The following ZNF341 variants were observed in gnomAD, a reference collection of about 807,000 sequenced individuals.
ZNF341 encodes zinc finger protein 341.
ZNF341 carries 52 observed loss-of-function variants against 87.7 expected under a neutral mutation model. That is an observed-to-expected ratio of 0.59 (90% CI 0.47 to 0.75). The LOEUF (loss-of-function observed/expected upper bound fraction) is 0.75. Ranked by LOEUF, ZNF341 falls within the 30% of genes least tolerant of loss-of-function variation. ZNF341 has a pLI of 0.00. For synonymous variants in ZNF341, 459 were observed against 472.7 expected (o/e 0.97, Z 0.38); for missense variants, 977 against 1,145.9 (o/e 0.85, Z 2.13).
intron 9 of ZNF341, among the ~76,000 whole-genome samples, chr20:33,767,302 C>G (rs145788603): frequency 5.9e-5 from 9 of 152,264 alleles, no homozygotes; most frequent in Non-Finnish European, 1.0e-4. Context: ...CTTTCCAGCT[C>G]TGGTCTCTGT....
chr20:33,756,157 A>G (rs999904683), intron 5 of ZNF341, among the ~76,000 whole-genome samples: 4 of 151,952 alleles, frequency 2.6e-5, no homozygotes, highest in Non-Finnish European at 5.9e-5. Flanking sequence ...TGGGAGGTCA[A>G]GGCTGCAGTG....
chr20:33,777,738 C>T (rs145710225), intron 10 of ZNF341, among the ~76,000 whole-genome samples: 7 of 151,810 alleles, frequency 4.6e-5, no homozygotes, highest in Non-Finnish European at 8.8e-5. Flanking sequence ...GTTCCAATAA[C>T]ATGCTTTAGA....
At chr20:33,768,161 C>T (rs933409235) in intron 9 of ZNF341, among the ~76,000 whole-genome samples, 7 of 151,856 alleles carry the variant, frequency 4.6e-5, no homozygotes, top group Admixed American at 4.6e-4. Flanking sequence ...CTCACTCTGT[C>T]GCCCAGGCTG....
chr20:33,772,010 TAAAAAAAAA>T (rs57345366), intron 10 of ZNF341, among the ~76,000 whole-genome samples: 6 of 56,168 alleles, frequency 1.1e-4, no homozygotes, highest in Middle Eastern at 9.6e-3. Context: ...ACGCTTGTCT[TAAAAAAAAA>T]AAAAAAAAAA....
At chr20:33,762,864 C>G (rs1196489387) in intron 8 of ZNF341, among the ~76,000 whole-genome samples, 1 of 152,006 alleles carries the variant, frequency 6.6e-6, no homozygotes, top group Non-Finnish European at 1.5e-5. Flanking sequence ...AGGACATGAA[C>G]TCATTATTCT....
Position 33,789,502 on chromosome 20 carries a change from T to G in ZNF341, c.1965-16T>G. On this transcript the variant is annotated splice_polypyrimidine_tract_variant and intron_variant, in intron 13 of 14. Transcript: ENST00000375200. ...AGCTTGGTGAGCTCCCCCTGACCAG[T>G]GGCTTTGGGTTTTAGGACGCACACA... The G allele has an allele frequency of 6.2e-7, 1 of 1,613,808 alleles. No individual in the cohort carries two copies. Among genetic ancestry groups the G allele is most frequent in the Non-Finnish European group, 8.5e-7 (1 of 1,179,900 alleles).
chr20:33,781,699 T>C (rs1175631085), intron 11 of ZNF341, among the ~76,000 whole-genome samples: 1 of 138,676 alleles, frequency 7.2e-6, no homozygotes, highest in African/African-American at 2.6e-5. Context: ...CTCTTCTTTT[T>C]AATTTTTTTT....
chr20:33,783,758 G>A lies in ZNF341; in HGVS notation c.1746G>A (p.Arg582=), dbSNP rs1448220949. 1 of 1,613,724 alleles carries A rather than the reference G, an allele frequency of 6.2e-7. No homozygotes were observed. The highest frequency in any genetic ancestry group is 1.7e-5 in the Admixed American group (1 of 59,978). ...TGTTTCCTTGTGAACGCTACCTGCGGCGTCATCTGCCCACCCACGGCAGCG... is the reference window on the plus strand; with the variant it reads ...TGTTTCCTTGTGAACGCTACCTGCGACGTCATCTGCCCACCCACGGCAGCG... ...QKVFPCERYL[R]RHLPTHGSGG... is the part of the protein sequence containing the mutation. The change falls in exon 12 of 15, where the codon CGG becomes CGA. Residue 582 remains arginine, a synonymous_variant. Transcript: ENST00000375200.
chr20:33,768,015 T>G (rs2019444103), intron 9 of ZNF341, among the ~76,000 whole-genome samples: 1 of 152,186 alleles, frequency 6.6e-6, no homozygotes, highest in South Asian at 2.1e-4. Context: ...TGGGAAGCTT[T>G]TGCCTTTGTG....
chr20:33,772,031 A>AAAAAAAAAAAAAAAAAAAAAAAT (rs2019544449), intron 10 of ZNF341, among the ~76,000 whole-genome samples: 1 of 150,548 alleles, frequency 6.6e-6, no homozygotes, highest in Non-Finnish European at 1.5e-5. Flanking sequence ...AAAAAAAAAA[A>AAAAAAAAAAAAAAAAAAAAAAAT]AAAAGATCTT....
At chr20:33,770,343 G>GGGGGGGGCGGGA in intron 10 of ZNF341, 51 bp downstream of exon 10, 1 of 511,254 alleles carries the variant, frequency 2.0e-6, no homozygotes. Context: ...GGTGGGCAGG[G>GGGGGGGGCGGGA]AGCCCAGGGC....
intron 10 of ZNF341, among the ~76,000 whole-genome samples, chr20:33,780,189 C>T (rs925434068): frequency 7.9e-5 from 12 of 151,770 alleles, no homozygotes; most frequent in South Asian, 6.2e-4. Flanking sequence ...AAGAGTGTTC[C>T]GGGGAACAGG....
At chr20:33,770,445 G>A (rs917958192) in intron 10 of ZNF341, among the ~76,000 whole-genome samples, 153 bp downstream of exon 10, 1 of 152,088 alleles carries the variant, frequency 6.6e-6, no homozygotes, top group African/African-American at 2.4e-5. Context: ...CTGGCAGAGT[G>A]GGTTCTGGGC....
At chr20:33,743,098 C>T in intron 2 of ZNF341, among the ~76,000 whole-genome samples, 1 of 148,362 alleles carries the variant, frequency 6.7e-6, no homozygotes, top group East Asian at 2.0e-4. Flanking sequence ...ATGGCATGAT[C>T]TTGGCTTACT....
chr20:33,762,484 GAATA>G (rs899562780), intron 8 of ZNF341, among the ~76,000 whole-genome samples: 11 of 151,658 alleles, frequency 7.3e-5, no homozygotes, highest in African/African-American at 2.2e-4. Flanking sequence ...ATAAATGAAT[GAATA>G]AATAAATAGG....
intron 10 of ZNF341, among the ~76,000 whole-genome samples, chr20:33,779,189 T>C (rs1174976847): frequency 6.6e-6 from 1 of 152,018 alleles, no homozygotes; most frequent in African/African-American, 2.4e-5. Context: ...GAAGTAGACA[T>C]GTCACATGGC....
At position 33,740,299 on chromosome 20, in the gene ZNF341, G is replaced by C. The variant is rs563489527; in HGVS notation, c.32-603G>C. On this transcript the variant is annotated intron_variant, in intron 1 of 14. Coordinates refer to ENST00000375200, the MANE Select transcript of ZNF341 (RefSeq NM_001282933.2). Reference sequence around the variant, plus strand: ...AAAGAAGAGGGTCACATATCAGGCAGTTTTAAGAAAACTTTCCAGAAGCTG... The same window carrying C: ...AAAGAAGAGGGTCACATATCAGGCACTTTTAAGAAAACTTTCCAGAAGCTG... Among the ~76,000 whole-genome samples the C allele has an allele frequency of 2.6e-5, 4 of 152,330 alleles. No homozygotes were observed. In the East Asian group the frequency reaches 7.7e-4, roughly 29 times the overall value.
intron 4 of ZNF341, chr20:33,752,048 A>G (rs2019066951): frequency 2.6e-6 from 1 of 380,582 alleles, no homozygotes; most frequent in Admixed American, 3.7e-5. Flanking sequence ...CTTATCAACA[A>G]AGGAGATGTC....
rs34461652 is a variant in ZNF341 at position 33,746,228 on chromosome 20, C to CTTTTTTTTTTTTTTTTTTT, written c.339+933_339+951dup. The stretch of plus-strand genomic sequence containing the variant: ...ACAGGCGTGAGCCACCGCGCCCGGC[C>CTTTTTTTTTTTTTTTTTTT]TTTTTTTTTTTTTTTTTTTTTTGAG... On this transcript the variant is annotated intron_variant, in intron 3 of 14. Transcript: ENST00000375200. 1.2e-4 allele frequency among the ~76,000 whole-genome samples: 13 copies of CTTTTTTTTTTTTTTTTTTT among 104,114 alleles called. 1 individual carries two copies. The highest frequency in any genetic ancestry group is 6.3e-4 in the African/African-American group (13 of 20,742). The allele number at this position is 104,114 out of a possible 152,430, so 68.3% of individuals were successfully genotyped here.
Sources: gnomAD v4.1 joint callset for allele counts (sites outside exome capture counted in the v4.1 genomes callset) on GRCh38, gnomAD v4.1.1 for gene constraint, MANE v1.5 for transcripts, NCBI Gene and HGNC (gene_info 2026-07-23, HGNC 2026-07-21) for gene names.